The following ARHGAP32 variants were observed in gnomAD, a reference collection of about 807,000 sequenced individuals.
The protein encoded by ARHGAP32 is rho GTPase-activating protein 32.
ARHGAP32 carries 51 observed loss-of-function variants against 186.5 expected under a neutral mutation model. The ratio of observed to expected loss-of-function variants is 0.27; its 90% confidence interval spans 0.22 to 0.35. The LOEUF is 0.35. Among genes scored for constraint, ARHGAP32 ranks in the 10% least tolerant of loss-of-function variants. ARHGAP32 has a pLI of 1.00. For missense variants in ARHGAP32, 2,186 were observed against 2,623.5 expected (o/e 0.83, Z 3.64); for synonymous variants, 950 against 964.3 (o/e 0.99, Z 0.27).
At chr11:129,186,203 T>C (rs936340314) in intron 1 of ARHGAP32, among the ~76,000 whole-genome samples, 14 of 152,190 alleles carry the variant, frequency 9.2e-5, no homozygotes, top group African/African-American at 2.7e-4. Context: ...AACAACCTAA[T>C]AACCAGGAAC....
intron 1 of ARHGAP32, among the ~76,000 whole-genome samples, chr11:129,251,790 T>C (rs892807230): frequency 6.7e-6 from 1 of 150,212 alleles, no homozygotes; most frequent in Non-Finnish European, 1.5e-5. Context: ...AAAAATCAGC[T>C]GGGTGTGGCG....
chr11:129,024,637 G>A (rs1462187370), intron 11 of ARHGAP32, among the ~76,000 whole-genome samples: 1 of 151,500 alleles, frequency 6.6e-6, no homozygotes, highest in Non-Finnish European at 1.5e-5. Flanking sequence ...CAATTATTAG[G>A]GAAAAAAATA....
At chr11:129,038,899 A>G (rs1939475428) in intron 11 of ARHGAP32, among the ~76,000 whole-genome samples, 2 of 151,452 alleles carry the variant, frequency 1.3e-5, no homozygotes, top group African/African-American at 2.4e-5. Context: ...AAAAAAAAAA[A>G]AAAAAAAAGA....
intron 1 of ARHGAP32, among the ~76,000 whole-genome samples, chr11:129,174,572 T>A (rs1215173646): frequency 6.6e-6 from 1 of 152,120 alleles, no homozygotes; most frequent in Non-Finnish European, 1.5e-5. Flanking sequence ...GCAATGCTTC[T>A]CCCAGCACGC....
chr11:129,059,496 A>ATT (rs10677456), intron 10 of ARHGAP32, among the ~76,000 whole-genome samples: 6,078 of 115,560 alleles, frequency 0.053, 417 homozygotes, highest in Admixed American at 0.1. Context: ...CTGATTTGCA[A>ATT]TTTTTTTTTT....
chr11:129,227,474 T>A (rs1252045865), intron 1 of ARHGAP32, among the ~76,000 whole-genome samples: 2 of 147,912 alleles, frequency 1.4e-5, no homozygotes, highest in South Asian at 2.1e-4. Context: ...ATTGACAGTT[T>A]AAAAAAAAAA....
chr11:129,251,551 A>T (rs1325085540), intron 1 of ARHGAP32, among the ~76,000 whole-genome samples: 1 of 152,188 alleles, frequency 6.6e-6, no homozygotes, highest in African/African-American at 2.4e-5. Context: ...GATCATACTG[A>T]AACACATCAA....
intron 1 of ARHGAP32, among the ~76,000 whole-genome samples, chr11:129,215,313 G>A (rs1944631374): frequency 6.6e-6 from 1 of 152,138 alleles, no homozygotes; most frequent in African/African-American, 2.4e-5. Flanking sequence ...AACTAAATGA[G>A]TTCATGTATG....
intron 6 of ARHGAP32, among the ~76,000 whole-genome samples, chr11:129,077,775 C>T (rs1325379053): frequency 6.6e-6 from 1 of 152,144 alleles, no homozygotes; most frequent in Non-Finnish European, 1.5e-5. Context: ...AGAAACCAAA[C>T]TACTTATCCA....
At chr11:128,984,191 T>C (rs1458404288) in intron 15 of ARHGAP32, among the ~76,000 whole-genome samples, 3 of 151,986 alleles carry the variant, frequency 2.0e-5, no homozygotes, top group African/African-American at 7.3e-5. Context: ...CTAGGCAACA[T>C]GGCAAAACCC....
chr11:129,259,842 G>GT (rs968986788), intron 1 of ARHGAP32, among the ~76,000 whole-genome samples: 1 of 152,180 alleles, frequency 6.6e-6, no homozygotes, highest in African/African-American at 2.4e-5. Flanking sequence ...TCTGAGACCA[G>GT]TAAGAATTTC....
chr11:129,123,958 T>C lies in ARHGAP32; in HGVS notation c.318-29A>G, dbSNP rs142862469. On this transcript the variant is annotated intron_variant, in intron 3 of 22. Transcript: ENST00000682385. The surrounding 1 kb of genome is among the most constrained non-coding windows in gnomAD (Gnocchi z 4.6). The stretch of plus-strand genomic sequence containing the variant: ...AACGCAGAATGAACATTTTTATCCT[T>C]GTCTTTCCTCTACTTACACATGAAG... The C allele has an allele frequency of 1.8e-4, 232 of 1,285,688 alleles. No individual in the cohort carries two copies. In the African/African-American group the frequency reaches 3.3e-3, roughly 18 times the overall value. 79.6% of individuals were successfully genotyped at this position (1,285,688 alleles called of 1,614,324 possible). A position where few individuals can be genotyped will look rare whatever the true frequency, so the allele number is the denominator to read the frequency against.
At chr11:129,164,225 T>C in intron 2 of ARHGAP32, 94 bp downstream of exon 2, 1 of 748,090 alleles carries the variant, frequency 1.3e-6, no homozygotes, top group Non-Finnish European at 2.1e-6. Context: ...GCAACAAAAT[T>C]TTTTGTGTAA....
chr11:128,969,679 T>TG lies in ARHGAP32; in HGVS notation c.5533dup (p.His1845ProfsTer17). 3 of 1,614,166 alleles carry TG rather than the reference T, an allele frequency of 1.9e-6. No homozygotes were observed. The highest frequency in any genetic ancestry group is 2.5e-6 in the Non-Finnish European group (3 of 1,180,032). On this transcript the variant is annotated frameshift_variant, in exon 23 of 23. Transcript: ENST00000682385. LOFTEE classifies it high-confidence loss of function. The surrounding 1 kb of genome is among the most constrained non-coding windows in gnomAD (Gnocchi z 4.8). ...GGCTCTGTCCATCTCTGCCTCGGGA[T>TG]GCCTCCTATAGAAGCGGTCCTCTCC...
chr11:129,251,578 T>C (rs1945183568), intron 1 of ARHGAP32, among the ~76,000 whole-genome samples: 1 of 152,070 alleles, frequency 6.6e-6, no homozygotes, highest in Non-Finnish European at 1.5e-5. Context: ...ATGAATTACA[T>C]ATATTTATAA....
intron 11 of ARHGAP32, among the ~76,000 whole-genome samples, chr11:129,031,358 G>C (rs1425490393): frequency 6.6e-6 from 1 of 152,128 alleles, no homozygotes; most frequent in African/African-American, 2.4e-5. Flanking sequence ...TTTCAGTTAT[G>C]GAAATTGAAA....
At chr11:129,174,541 T>C (rs951886961) in intron 1 of ARHGAP32, among the ~76,000 whole-genome samples, 1 of 152,214 alleles carries the variant, frequency 6.6e-6, no homozygotes, top group African/African-American at 2.4e-5. Context: ...TAAATGTCCC[T>C]GTCTGACAGC....
intron 13 of ARHGAP32, among the ~76,000 whole-genome samples, chr11:128,987,703 C>T (rs1216934448): frequency 6.6e-6 from 1 of 152,038 alleles, no homozygotes; most frequent in African/African-American, 2.4e-5. Flanking sequence ...TAATTAACAC[C>T]TAAAGAATAA....
chr11:129,193,755 AATAC>A (rs1374152220), upstream of ARHGAP32, among the ~76,000 whole-genome samples: 49 of 106,898 alleles, frequency 4.6e-4, no homozygotes, highest in Non-Finnish European at 7.4e-4. Flanking sequence ...TAATACATAT[AATAC>A]ATATATAAAT....
Sources: allele counts gnomAD v4.1 joint callset (sites outside exome capture counted in the v4.1 genomes callset), GRCh38; gene constraint gnomAD v4.1.1; non-coding constraint Gnocchi (gnomAD v3.1); transcripts MANE v1.5; gene names NCBI Gene and HGNC (gene_info 2026-07-23, HGNC 2026-07-21).